SLC24A2: variants seen among roughly 807,000 people sequenced by gnomAD.
SLC24A2 encodes the protein solute carrier family 24 member 2, also known as sodium/potassium/calcium exchanger 2.
SLC24A2 carries 36 observed loss-of-function variants against 62.0 expected under a neutral mutation model. That is an observed-to-expected ratio of 0.58 (90% CI 0.44 to 0.77). The LOEUF (loss-of-function observed/expected upper bound fraction) is 0.77, where lower values mean the gene tolerates loss of function less well. SLC24A2 is among the 30% of genes least tolerant of loss of function. The probability of loss-of-function intolerance (pLI) is 0.00; values close to 1 mark genes in which losing one functional copy is unlikely to be tolerated. For synonymous variants in SLC24A2, 358 were observed against 294.0 expected, an observed-to-expected ratio of 1.22 and a Z score of -2.23; for missense variants, 846 against 817.9, an observed-to-expected ratio of 1.03 and a Z score of -0.42.
intron 2 of SLC24A2, among the ~76,000 whole-genome samples, chr9:19,624,909 A>C (rs1817995957): frequency 6.6e-6 from 1 of 152,192 alleles, no homozygotes; most frequent in South Asian, 2.1e-4. Flanking sequence ...GCAGCCTCAC[A>C]GTCCTGACAA....
At chr9:19,915,623 ATAG>A in the SLC24A2 span, among the ~76,000 whole-genome samples, 1 of 152,080 alleles carries the variant, frequency 6.6e-6, no homozygotes, top group Non-Finnish European at 1.5e-5. Flanking sequence ...TATGATGATG[ATAG>A]TAGTTCTAGT....
At chr9:20,208,182 C>T in the SLC24A2 span, among the ~76,000 whole-genome samples, 1 of 152,110 alleles carries the variant, frequency 6.6e-6, no homozygotes, top group Non-Finnish European at 1.5e-5. Flanking sequence ...GGTGGGTAGG[C>T]ACATGTGGGT....
the SLC24A2 span, among the ~76,000 whole-genome samples, chr9:20,052,522 GT>G: frequency 1.3e-5 from 2 of 152,086 alleles, no homozygotes; most frequent in Non-Finnish European, 2.9e-5. Flanking sequence ...TTCTGTTCCC[GT>G]TTTTTCCATG....
chr9:19,645,542 T>C (rs1205347473), intron 2 of SLC24A2, among the ~76,000 whole-genome samples: 1 of 152,132 alleles, frequency 6.6e-6, no homozygotes, highest in African/African-American at 2.4e-5. Flanking sequence ...AAAAACATAG[T>C]GGCAATGAAG....
the SLC24A2 span, among the ~76,000 whole-genome samples, chr9:20,164,493 G>T: frequency 1.2e-4 from 18 of 151,656 alleles, no homozygotes; most frequent in Admixed American, 7.9e-4. Context: ...AACAGGTGCT[G>T]GAGAGGATGT....
chr9:20,184,693 G>A, the SLC24A2 span, among the ~76,000 whole-genome samples: 2 of 152,166 alleles, frequency 1.3e-5, no homozygotes, highest in African/African-American at 4.8e-5. Context: ...ACAGTATGGA[G>A]GGTCCTCAAA....
chr9:20,249,658 T>C, the SLC24A2 span, among the ~76,000 whole-genome samples: 6 of 143,620 alleles, frequency 4.2e-5, no homozygotes, highest in East Asian at 4.2e-4. Flanking sequence ...TGAGCTACGA[T>C]TGCACCATTG....
chr9:19,807,092 AT>A, the SLC24A2 span, among the ~76,000 whole-genome samples: 22 of 152,216 alleles, frequency 1.4e-4, no homozygotes, highest in African/African-American at 5.1e-4. Context: ...CTCATTTGAG[AT>A]TTTCCTTTAT....
chr9:20,240,188 G>C, the SLC24A2 span, among the ~76,000 whole-genome samples: 2 of 152,124 alleles, frequency 1.3e-5, no homozygotes, highest in Non-Finnish European at 2.9e-5. Context: ...AGGAGAGAGA[G>C]CAGAGCAGCC....
At chr9:20,231,332 C>A in the SLC24A2 span, among the ~76,000 whole-genome samples, 1,649 of 152,240 alleles carry the variant, frequency 0.011, 35 homozygotes, top group African/African-American at 0.038. Context: ...GGCAGTATGG[C>A]CATTTTCATG....
chr9:19,917,003 T>TA, the SLC24A2 span, among the ~76,000 whole-genome samples: 25 of 144,148 alleles, frequency 1.7e-4, no homozygotes, highest in Non-Finnish European at 3.5e-4. Context: ...TTTTTTTTTT[T>TA]GTGCCTACAT....
the SLC24A2 span, among the ~76,000 whole-genome samples, chr9:20,240,825 A>C: frequency 1.3e-5 from 2 of 152,154 alleles, no homozygotes; most frequent in Non-Finnish European, 2.9e-5. Context: ...TCGATTGATC[A>C]ATGTGACCAT....
chr9:19,518,222 A>T (rs975024465), intron 10 of SLC24A2, among the ~76,000 whole-genome samples: 1 of 152,178 alleles, frequency 6.6e-6, no homozygotes, highest in Non-Finnish European at 1.5e-5. Flanking sequence ...ATGTAATGTT[A>T]TATAGCTGTT....
chr9:19,662,534 C>G (rs966509077), intron 2 of SLC24A2, among the ~76,000 whole-genome samples: 3 of 152,156 alleles, frequency 2.0e-5, no homozygotes, highest in African/African-American at 7.2e-5. Context: ...AGTTACCCTC[C>G]AAGGCACGCA....
the SLC24A2 span, among the ~76,000 whole-genome samples, chr9:19,815,843 A>C: frequency 6.6e-6 from 1 of 152,156 alleles, no homozygotes; most frequent in Non-Finnish European, 1.5e-5. Context: ...GGATTATAAA[A>C]CAAAGAAATA....
intron 2 of SLC24A2, among the ~76,000 whole-genome samples, chr9:19,697,384 T>C (rs916861309): frequency 1.3e-5 from 2 of 152,158 alleles, no homozygotes; most frequent in African/African-American, 4.8e-5. Flanking sequence ...CCATGGCACA[T>C]GCTTACCTAC....
At chr9:19,723,944 T>C (rs896316484) in intron 2 of SLC24A2, among the ~76,000 whole-genome samples, 5 of 152,142 alleles carry the variant, frequency 3.3e-5, no homozygotes, top group Non-Finnish European at 7.4e-5. Context: ...ATACTATTTT[T>C]TATTAAAATT....
At position 19,696,005 on chromosome 9, in the gene SLC24A2, T is replaced by G. The variant is rs1007157400; in HGVS notation, c.931-73706A>C. ...GGACCAGTACCAGTCTGTGGCCTGT[T>G]AAGAACCAGGCTGCACAGCAGGAGG... On this transcript the variant is annotated intron_variant, in intron 2 of 10. Transcript: ENST00000341998. Among the ~76,000 whole-genome samples, 5 of 152,134 alleles carry G rather than the reference T, an allele frequency of 3.3e-5. No individual in the cohort carries two copies. The South Asian group carries it at 8.3e-4, about 25-fold the overall frequency.
At chr9:20,134,354 T>C in the SLC24A2 span, among the ~76,000 whole-genome samples, 19 of 152,040 alleles carry the variant, frequency 1.2e-4, no homozygotes, top group African/African-American at 4.6e-4. Flanking sequence ...GGGTTTCCCT[T>C]AAAAAACAAA....
Sources: allele counts gnomAD v4.1 joint callset (sites outside exome capture counted in the v4.1 genomes callset), GRCh38; gene constraint gnomAD v4.1.1; transcripts MANE v1.5; gene names NCBI Gene and HGNC (gene_info 2026-07-23, HGNC 2026-07-21).